The following MTUS1 variants were observed in gnomAD, a reference collection of about 807,000 sequenced individuals.
MTUS1 encodes the protein microtubule-associated tumor suppressor 1.
A neutral mutation model predicts 120.8 loss-of-function variants in MTUS1; 109 were observed. The ratio of observed to expected loss-of-function variants is 0.90; its 90% CI spans 0.77 to 1.06. The LOEUF is 1.06. Among genes scored for constraint, MTUS1 ranks in the 50% least tolerant of loss-of-function variants. The probability of loss-of-function intolerance (pLI) is 0.00; values close to 1 mark genes in which losing one functional copy is unlikely to be tolerated. For missense variants in MTUS1, 2,210 were observed against 1,486.3 expected (o/e 1.49, Z -8.01); for synonymous variants, 737 against 550.5 (o/e 1.34, Z -4.74).
intron 1 of MTUS1, among the ~76,000 whole-genome samples, chr8:17,762,783 C>CT (rs11452952): frequency 0.19 from 29,400 of 152,124 alleles, 3,518 homozygotes; most frequent in South Asian, 0.5. Context: ...TCAACTGGGC[C>CT]TTTGGTTGGT....
At chr8:17,744,077 T>C (rs916375159) in intron 2 of MTUS1, among the ~76,000 whole-genome samples, 7 of 152,188 alleles carry the variant, frequency 4.6e-5, no homozygotes, top group Admixed American at 4.6e-4. Flanking sequence ...GACTCTAGTT[T>C]AGCATCACAT....
Position 17,684,471 on chromosome 8 carries a change from G to A in MTUS1, c.2695C>T (p.Pro899Ser). ...QPQTAPDALP[P>S]EKTLELTQYK... ...TGCGTCAATTCAAGTGTTTTCTCAG[G>A]GGGCAGCGCATCGGGAGCTGTCTGT... is the stretch of plus-strand genomic sequence containing the variant. The change falls in exon 7 of 15, where the codon CCT (proline) becomes TCT (serine). Residue 899 changes from proline (P) to serine (S), a missense_variant. Pro to Ser is a moderately conservative substitution (Grantham distance 74). Transcript: ENST00000693296. The A allele has an allele frequency of 1.2e-6, 2 of 1,614,142 alleles. No homozygotes were observed. The highest frequency in any genetic ancestry group is 1.7e-6 in the Non-Finnish European group (2 of 1,180,018).
At chr8:17,745,997 T>C (rs2047714092) in intron 2 of MTUS1, among the ~76,000 whole-genome samples, 1 of 152,198 alleles carries the variant, frequency 6.6e-6, no homozygotes, top group African/African-American at 2.4e-5. Context: ...ACCTGCCCCC[T>C]CACTCTCTTC....
intron 1 of MTUS1, among the ~76,000 whole-genome samples, chr8:17,795,425 A>C (rs903048547): frequency 7.9e-5 from 12 of 152,222 alleles, no homozygotes; most frequent in African/African-American, 2.9e-4. Flanking sequence ...TTTACTTATA[A>C]GGTACACATT....
intron 1 of MTUS1, among the ~76,000 whole-genome samples, chr8:17,782,783 C>A (rs536207985): frequency 6.6e-6 from 1 of 152,218 alleles, no homozygotes; most frequent in South Asian, 2.1e-4. Flanking sequence ...TAAATGAAGA[C>A]CTTATGAAAC....
intron 1 of MTUS1, among the ~76,000 whole-genome samples, chr8:17,797,501 C>G (rs1269584885): frequency 6.6e-6 from 1 of 152,060 alleles, no homozygotes; most frequent in Non-Finnish European, 1.5e-5. Context: ...CATCCAAAAC[C>G]AGGTATAAAG....
chr8:17,735,818 A>G (rs1283798738), intron 3 of MTUS1, among the ~76,000 whole-genome samples: 2 of 152,246 alleles, frequency 1.3e-5, no homozygotes, highest in African/African-American at 4.8e-5. Flanking sequence ...AAATATGAAA[A>G]TAACTAAGAG....
intron 1 of MTUS1, chr8:17,780,821 A>T (rs1308078959): frequency 6.6e-6 from 1 of 152,136 alleles, no homozygotes; most frequent in African/African-American, 2.4e-5. Context: ...CTCCTATCAC[A>T]TCTAATACAA....
At chr8:17,697,175 T>G in intron 6 of MTUS1, 2 of 1,475,254 alleles carry the variant, frequency 1.4e-6, no homozygotes, top group Non-Finnish European at 1.8e-6. Flanking sequence ...TCTGTCTCCT[T>G]GGAAAAACCT....
At position 17,723,778 on chromosome 8, in the gene MTUS1, T is replaced by A; in HGVS notation, c.2343A>T (p.Pro781=). 3 of 1,609,858 alleles carry A rather than the reference T, an allele frequency of 1.9e-6. No individual in the cohort carries two copies. Among genetic ancestry groups the A allele is most frequent in the Non-Finnish European group, 2.5e-6 (3 of 1,177,334 alleles). ...AQSSWVNLPR[P]LPKSKASLKS... is the part of the protein sequence containing the mutation. ...TCAAAGATGCTTTGGATTTAGGAAG[T>A]GGTCTAGGCAAATTCACCCATGACG... Residue 781 remains proline, a synonymous_variant, in exon 4 of 15, where the codon CCA becomes CCT. Coordinates refer to ENST00000693296, the MANE Select transcript of MTUS1 (RefSeq NM_001363059.2).
At chr8:17,730,833 G>C (rs1400973998) in intron 3 of MTUS1, among the ~76,000 whole-genome samples, 2 of 152,126 alleles carry the variant, frequency 1.3e-5, no homozygotes, top group Non-Finnish European at 2.9e-5. Context: ...GGAGAACTGG[G>C]GGTTAGTAAA....
At chr8:17,789,246 G>C (rs1335665477) in intron 1 of MTUS1, among the ~76,000 whole-genome samples, 1 of 152,080 alleles carries the variant, frequency 6.6e-6, no homozygotes, top group African/African-American at 2.4e-5. Context: ...GGTCAGGCTG[G>C]TCTCCAACTC....
chr8:17,748,252 G>C (rs1443252886), intron 2 of MTUS1: 1 of 152,252 alleles, frequency 6.6e-6, no homozygotes, highest in African/African-American at 2.4e-5. Context: ...CTTTGGAGAA[G>C]AGCCAAGTGT....
rs140018758 is a variant in MTUS1, at chr8:17,703,628, C to CAA, written c.2623+9584_2623+9585dup. Among the ~76,000 whole-genome samples the CAA allele has an allele frequency of 7.4e-3, 847 of 115,088 alleles. 4 individuals are homozygous for CAA. Among genetic ancestry groups the CAA allele is most frequent in the Admixed American group, 0.033 (363 of 11,004 alleles). The allele number at this position is 115,088 out of a possible 152,430, so 75.5% of individuals were successfully genotyped here. ...TGGGTGACAGAGCCAGACTCTGTCT[C>CAA]AAAAAAAAAAAAAAAAGGACTGAGA... On this transcript the variant is annotated intron_variant, in intron 6 of 14. Transcript: ENST00000693296.
chr8:17,709,265 G>C lies in MTUS1; in HGVS notation c.2623+3949C>G, dbSNP rs578125896. On this transcript the variant is annotated intron_variant, in intron 6 of 14. Transcript: ENST00000693296. ...TTATTCATGTTATTCATGATGTAAT[G>C]TTATCCCACCCTGTTTTCTTTACAC... is the stretch of plus-strand genomic sequence containing the variant. Among the ~76,000 whole-genome samples, 310 of 152,158 alleles carry C rather than the reference G, an allele frequency of 2.0e-3. 5 individuals carry two copies. Among genetic ancestry groups the C allele is most frequent in the African/African-American group, 7.3e-3 (304 of 41,516 alleles).
intron 13 of MTUS1, 54 bp downstream of exon 13, chr8:17,649,792 T>A: frequency 2.0e-6 from 2 of 984,324 alleles, no homozygotes; most frequent in Admixed American, 3.5e-5. Flanking sequence ...AGGGCTCAAT[T>A]TCACACATAT....
intron 1 of MTUS1, among the ~76,000 whole-genome samples, chr8:17,770,844 T>A (rs867496673): frequency 2.6e-5 from 4 of 152,130 alleles, no homozygotes; most frequent in Non-Finnish European, 5.9e-5. Context: ...AACAAAAACA[T>A]GACAAGTTCT....
chr8:17,699,969 T>G (rs1818715923), intron 6 of MTUS1, among the ~76,000 whole-genome samples: 1 of 152,226 alleles, frequency 6.6e-6, no homozygotes, highest in Non-Finnish European at 1.5e-5. Flanking sequence ...TTTGATTATT[T>G]GATCATCTGT....
At chr8:17,667,457 A>G (rs1238020534) in intron 8 of MTUS1, among the ~76,000 whole-genome samples, 1 of 152,382 alleles carries the variant, frequency 6.6e-6, no homozygotes, top group Admixed American at 6.5e-5. Context: ...ACAGTGAATG[A>G]ATCAACACAT....
Sources: gnomAD v4.1 joint callset for allele counts (sites outside exome capture counted in the v4.1 genomes callset) on GRCh38, gnomAD v4.1.1 for gene constraint, MANE v1.5 for transcripts, NCBI Gene and HGNC (gene_info 2026-07-23, HGNC 2026-07-21) for gene names.